Variants in ADGRD1 observed in about 807,000 individuals in gnomAD.
ADGRD1 encodes adhesion G protein-coupled receptor D1.
ADGRD1 carries 77 observed loss-of-function variants against 113.4 expected under a neutral mutation model. The observed-to-expected ratio is 0.68, with a 90% CI of 0.57 to 0.82. ADGRD1 has a LOEUF of 0.82. Among genes scored for constraint, ADGRD1 ranks in the 40% least tolerant of loss-of-function variants. The pLI, the probability that ADGRD1 is intolerant of heterozygous loss-of-function variation, is 0.00. For missense variants in ADGRD1, 1,036 were observed against 1,139.1 expected, an observed-to-expected ratio of 0.91 and a Z score of 1.30; for synonymous variants, 474 against 475.0, an observed-to-expected ratio of 1.00 and a Z score of 0.03.
rs187445464 is a variant in ADGRD1 at position 131,035,446 on chromosome 12, G to A, written c.1473+21106G>A. 1,028 of 152,410 alleles carry A rather than the reference G, an allele frequency of 6.7e-3. 1 individual carries two copies. Among genetic ancestry groups the A allele is most frequent in the Non-Finnish European group, 0.011 (717 of 68,056 alleles). The allele number at this position is 152,410 out of a possible 1,614,324, so 9.4% of individuals were successfully genotyped here. A position where few individuals can be genotyped will look rare whatever the true frequency, so the allele number is the denominator to read the frequency against. ...GAGCTGCTCCGGGTGACACAGCTGG[G>A]CAGTCACGCCCCGAGGGGCCCGGAG... On this transcript the variant is annotated intron_variant, in intron 13 of 24. Transcript: ENST00000261654.
chr12:131,101,388 T>C (rs1417417901), intron 15 of ADGRD1, among the ~76,000 whole-genome samples: 11 of 121,040 alleles, frequency 9.1e-5, no homozygotes, highest in South Asian at 3.2e-4. Flanking sequence ...TTTTTTTTTT[T>C]TTTTTTTTTT....
intron 19 of ADGRD1, among the ~76,000 whole-genome samples, chr12:131,120,092 T>C (rs1241718632): frequency 2.6e-5 from 4 of 152,116 alleles, no homozygotes; most frequent in Non-Finnish European, 5.9e-5. Flanking sequence ...CAGTGAGCAG[T>C]CACGGAGGGA....
chr12:131,127,577 C>T (rs79131899), intron 20 of ADGRD1, among the ~76,000 whole-genome samples: 10 of 139,600 alleles, frequency 7.2e-5, no homozygotes, highest in East Asian at 2.2e-4. Context: ...TGTGATGGGA[C>T]CCTGAGCTCA....
chr12:131,003,421 G>A lies in ADGRD1; in HGVS notation c.1144+119G>A. 1 of 779,376 alleles carries A rather than the reference G, an allele frequency of 1.3e-6. No homozygotes were observed. 48.3% of individuals were successfully genotyped at this position (779,376 alleles called of 1,614,324 possible). A position where few individuals can be genotyped will look rare whatever the true frequency, so the allele number is the denominator to read the frequency against. On this transcript the variant is annotated intron_variant, in intron 10 of 24. Transcript: ENST00000261654. This position sits in a 1 kb window ranked among gnomAD's most constrained non-coding sequence, Gnocchi z 4.8. ...CATGCTCTGTCTCCCTGACTGCTCT[G>A]CCTGGCACAAACCACATTTGGAAGG...
chr12:130,970,695 T>C (rs1195745), intron 3 of ADGRD1: 143,693 of 152,252 alleles, frequency 0.94, 68,377 homozygotes, highest in East Asian at 1. Flanking sequence ...CTTCACTTAT[T>C]TATTCTGTAA....
intron 13 of ADGRD1, among the ~76,000 whole-genome samples, chr12:131,017,780 T>C (rs563164292): frequency 3.0e-5 from 4 of 131,790 alleles, no homozygotes; most frequent in African/African-American, 1.2e-4. Flanking sequence ...ACACACTCAG[T>C]ACACACACAC....
At chr12:131,129,559 T>C (rs1950856605) in intron 20 of ADGRD1, among the ~76,000 whole-genome samples, 1 of 151,972 alleles carries the variant, frequency 6.6e-6, no homozygotes, top group Admixed American at 6.5e-5. Flanking sequence ...TTTCCAATCT[T>C]GTTACAGATG....
chr12:130,964,423 C>T (rs752915756), intron 2 of ADGRD1, among the ~76,000 whole-genome samples: 6 of 152,286 alleles, frequency 3.9e-5, no homozygotes, highest in South Asian at 2.1e-4. Context: ...CGTTGGCTCA[C>T]GCCTGTAATC....
At chr12:130,995,175 A>G (rs1488705175) in intron 8 of ADGRD1, among the ~76,000 whole-genome samples, 1 of 152,180 alleles carries the variant, frequency 6.6e-6, no homozygotes, top group Non-Finnish European at 1.5e-5. Flanking sequence ...GGAGTGAGAC[A>G]GGGACAAAGT....
rs12322684 is a variant in ADGRD1, at chr12:131,123,719, G to C, written c.2175+2806G>C. Among the ~76,000 whole-genome samples the C allele has an allele frequency of 8.5e-3, 1,297 of 152,134 alleles. 23 individuals are homozygous for C. The highest frequency in any genetic ancestry group is 0.03 in the African/African-American group (1,247 of 41,516). The stretch of plus-strand genomic sequence containing the variant: ...TGCCTGTAGTCCCAGCTACTCGGGA[G>C]GCTGAGGCAGGAAAATGGCGTGAAC... On this transcript the variant is annotated intron_variant, in intron 20 of 24. Coordinates refer to ENST00000261654, the MANE Select transcript of ADGRD1 (RefSeq NM_198827.5).
At chr12:131,119,822 G>A (rs1197696437) in intron 19 of ADGRD1, among the ~76,000 whole-genome samples, 1 of 152,194 alleles carries the variant, frequency 6.6e-6, no homozygotes, top group Non-Finnish European at 1.5e-5. Context: ...TCCGTGCTCT[G>A]GGTGTGCAGC....
At chr12:131,001,752 GC>G (rs1350605240) in intron 9 of ADGRD1, among the ~76,000 whole-genome samples, 1 of 152,182 alleles carries the variant, frequency 6.6e-6, no homozygotes, top group Non-Finnish European at 1.5e-5. Flanking sequence ...TTCCAAGGTT[GC>G]CAGGCAGGGG....
chr12:131,058,051 C>G (rs945928246), intron 13 of ADGRD1, among the ~76,000 whole-genome samples: 1 of 152,170 alleles, frequency 6.6e-6, no homozygotes, highest in African/African-American at 2.4e-5. Flanking sequence ...CTTCCTAGAT[C>G]CAGAAGTTTA....
chr12:131,007,456 A>T (rs1877275807), intron 12 of ADGRD1, among the ~76,000 whole-genome samples: 2 of 152,208 alleles, frequency 1.3e-5, no homozygotes, highest in Non-Finnish European at 2.9e-5. Context: ...TGGGCAGAGG[A>T]GAGGCCGGCG....
intron 13 of ADGRD1, among the ~76,000 whole-genome samples, chr12:131,014,764 C>T (rs1441774698): frequency 2.6e-5 from 4 of 152,202 alleles, no homozygotes; most frequent in Non-Finnish European, 4.4e-5. Context: ...ACCATTTTTA[C>T]GCTTCAGGCA....
rs1445409066 is a variant in ADGRD1 at position 131,075,042 on chromosome 12, G to A, written c.1474-1759G>A. ...AGGCGGGGGCTGGCACTGGGTGAGG[G>A]GGTGATGGGAAGAGGCGTCGCCTCA... is the stretch of plus-strand genomic sequence containing the variant. On this transcript the variant is annotated intron_variant, in intron 13 of 24. Coordinates refer to ENST00000261654, the MANE Select transcript of ADGRD1 (RefSeq NM_198827.5). This position sits in a 1 kb window ranked among gnomAD's most constrained non-coding sequence, Gnocchi z 5.3. Among the ~76,000 whole-genome samples, 1 of 152,212 alleles carries A rather than the reference G, an allele frequency of 6.6e-6. No homozygotes were observed. The highest frequency in any genetic ancestry group is 1.5e-5 in the Non-Finnish European group (1 of 68,042).
chr12:130,968,641 G>A (rs964350616), intron 3 of ADGRD1: 1 of 295,868 alleles, frequency 3.4e-6, no homozygotes, highest in Non-Finnish European at 6.3e-6. Flanking sequence ...TGTTGAGCCT[G>A]TGTTATGAGT....
At chr12:131,092,282 A>G (rs1320647256) in intron 15 of ADGRD1, among the ~76,000 whole-genome samples, 1 of 152,160 alleles carries the variant, frequency 6.6e-6, no homozygotes, top group African/African-American at 2.4e-5. Context: ...ACACCCAATG[A>G]AGGTGCTGGG....
Position 131,057,573 on chromosome 12 carries a change from A to G in ADGRD1, c.1474-19228A>G, listed in dbSNP as rs935915275. 1.3e-5 allele frequency among the ~76,000 whole-genome samples: 2 copies of G among 151,822 alleles called. No individual in the cohort carries two copies. The highest frequency in any genetic ancestry group is 2.9e-5 in the Non-Finnish European group (2 of 67,930). On this transcript the variant is annotated intron_variant, in intron 13 of 24. Transcript: ENST00000261654. The surrounding 1 kb of genome is among the most constrained non-coding windows in gnomAD (Gnocchi z 4.2). ...TAGTAGTCCTGGCCTGCGGCAGCCA[A>G]CTCCAGTCTCTGCCCCGTCTCCCCA...
Sources: gnomAD v4.1 joint callset for allele counts (sites outside exome capture counted in the v4.1 genomes callset) on GRCh38, gnomAD v4.1.1 for gene constraint, Gnocchi (gnomAD v3.1) non-coding constraint, MANE v1.5 for transcripts, NCBI Gene and HGNC (gene_info 2026-07-23, HGNC 2026-07-21) for gene names.